Variants in CASR observed in about 807,000 individuals in gnomAD.
CASR encodes calcium sensing receptor, also known as extracellular calcium-sensing receptor.
CASR carries 23 observed loss-of-function variants against 69.1 expected under a neutral mutation model. The observed-to-expected ratio is 0.33, with a 90% CI of 0.24 to 0.47. CASR has a LOEUF of 0.47. Ranked by LOEUF, CASR falls within the 20% of genes least tolerant of loss-of-function variation. The probability of loss-of-function intolerance (pLI) is 1.00; values close to 1 mark genes in which losing one functional copy is unlikely to be tolerated. For missense variants in CASR, 924 were observed against 1,356.1 expected (o/e 0.68, Z 5.00); for synonymous variants, 541 against 544.7 (o/e 0.99, Z 0.10).
chr3:122,190,456 C>G (rs1172710036), intron 1 of CASR, among the ~76,000 whole-genome samples: 2 of 152,182 alleles, frequency 1.3e-5, no homozygotes, highest in Non-Finnish European at 2.9e-5. Context: ...GAGCTTGTAT[C>G]TCAGTTTGAC....
chr3:122,272,698 G>A (rs1007669915), intron 4 of CASR, among the ~76,000 whole-genome samples: 3 of 152,206 alleles, frequency 2.0e-5, no homozygotes, highest in Non-Finnish European at 4.4e-5. Context: ...ATGAGGATGG[G>A]ATGACCATAT....
At chr3:122,254,621 C>A (rs1187949051) in intron 2 of CASR, among the ~76,000 whole-genome samples, 3 of 151,976 alleles carry the variant, frequency 2.0e-5, no homozygotes, top group African/African-American at 7.3e-5. Context: ...ACCTGGTGGT[C>A]ATTTGGTGAC....
chr3:122,219,482 G>C (rs2074150099), intron 1 of CASR, among the ~76,000 whole-genome samples: 1 of 152,214 alleles, frequency 6.6e-6, no homozygotes, highest in African/African-American at 2.4e-5. Context: ...CACCAGAGTA[G>C]CTGGGATCAG....
intron 1 of CASR, among the ~76,000 whole-genome samples, chr3:122,237,309 C>T (rs1340781218): frequency 6.6e-6 from 1 of 152,058 alleles, no homozygotes; most frequent in Admixed American, 6.6e-5. Flanking sequence ...GGAGTTTCAT[C>T]ATGTTGGCCA....
At chr3:122,210,440 G>A (rs12489943) in intron 1 of CASR, among the ~76,000 whole-genome samples, 110,177 of 151,890 alleles carry the variant, frequency 0.73, 40,184 homozygotes, top group Admixed American at 0.82. Flanking sequence ...TCTATACACC[G>A]GCAATATACA....
rs1173539400 is a variant in CASR at position 122,288,846 on chromosome 3, GA to G, written c.*3659del. ...ATGGGAAACTGCTTACATTTCTTTT[GA>G]AAATTAAAATGAATTATAAAGTTAA... On this transcript the variant is annotated 3_prime_UTR_variant, in exon 7 of 7. Coordinates refer to ENST00000639785, the MANE Select transcript of CASR (RefSeq NM_000388.4). 3 of 151,992 alleles carry G rather than the reference GA, an allele frequency of 2.0e-5. No individual in the cohort carries two copies. The highest frequency in any genetic ancestry group is 4.4e-5 in the Non-Finnish European group (3 of 67,986). 9.4% of individuals were successfully genotyped at this position (151,992 alleles called of 1,614,324 possible). A position where few individuals can be genotyped will look rare whatever the true frequency, so the allele number is the denominator to read the frequency against.
chr3:122,237,579 TTATAG>T (rs2074340383), intron 1 of CASR, among the ~76,000 whole-genome samples: 1 of 152,244 alleles, frequency 6.6e-6, no homozygotes, highest in African/African-American at 2.4e-5. Context: ...AAATCATGGA[TTATAG>T]TAAAGTACAA....
intron 4 of CASR, among the ~76,000 whole-genome samples, chr3:122,270,083 C>G (rs1367521800): frequency 6.6e-6 from 1 of 152,102 alleles, no homozygotes; most frequent in Non-Finnish European, 1.5e-5. Flanking sequence ...CTCAAGTGAT[C>G]CACCCACCTC....
chr3:122,250,127 C>A (rs1242787936), intron 1 of CASR, among the ~76,000 whole-genome samples: 1 of 151,988 alleles, frequency 6.6e-6, no homozygotes, highest in Non-Finnish European at 1.5e-5. Context: ...TGGACGAAGG[C>A]ACTGGCCACA....
At chr3:122,263,624 A>C (rs1159086750) in intron 4 of CASR, among the ~76,000 whole-genome samples, 1 of 152,212 alleles carries the variant, frequency 6.6e-6, no homozygotes, top group African/African-American at 2.4e-5. Context: ...CACTGTAGAG[A>C]TTCTCATGAA....
chr3:122,266,981 G>T (rs2074702122), intron 4 of CASR, among the ~76,000 whole-genome samples: 1 of 152,204 alleles, frequency 6.6e-6, no homozygotes, highest in Admixed American at 6.5e-5. Flanking sequence ...TCCAGCCTGG[G>T]CAACAGAGCG....
chr3:122,247,047 T>C (rs561559762), intron 1 of CASR: 8 of 152,278 alleles, frequency 5.3e-5, no homozygotes, highest in Middle Eastern at 3.4e-3. Context: ...GGGGCAGACA[T>C]ATCTCCCCAT....
At chr3:122,205,455 A>G (rs573600394) in intron 1 of CASR, among the ~76,000 whole-genome samples, 30 of 152,092 alleles carry the variant, frequency 2.0e-4, no homozygotes, top group Admixed American at 1.9e-3. Flanking sequence ...TTTTTATGCC[A>G]TTATGCTGAT....
At chr3:122,225,597 A>T (rs2074215211) in intron 1 of CASR, among the ~76,000 whole-genome samples, 1 of 152,174 alleles carries the variant, frequency 6.6e-6, no homozygotes, top group South Asian at 2.1e-4. Context: ...GTTTGCAGAG[A>T]AAAGGGAACA....
At chr3:122,280,550 A>G (rs968151220) in intron 5 of CASR, among the ~76,000 whole-genome samples, 1 of 152,152 alleles carries the variant, frequency 6.6e-6, no homozygotes, top group African/African-American at 2.4e-5. Context: ...CCTTGTCACC[A>G]TAGTTGAAGA....
intron 1 of CASR, among the ~76,000 whole-genome samples, chr3:122,231,347 ATCAAT>A (rs1281249249): frequency 2.0e-5 from 3 of 152,174 alleles, no homozygotes; most frequent in African/African-American, 4.8e-5. Flanking sequence ...CATCATGCTG[ATCAAT>A]TCAATTAGTA....
chr3:122,250,831 A>C (rs1166856577), intron 1 of CASR, among the ~76,000 whole-genome samples: 1 of 152,212 alleles, frequency 6.6e-6, no homozygotes, highest in African/African-American at 2.4e-5. Context: ...TTAGAGAAAA[A>C]GTTACTTTTT....
At chr3:122,251,473 C>T (rs2074482639) in intron 1 of CASR, among the ~76,000 whole-genome samples, 1 of 152,220 alleles carries the variant, frequency 6.6e-6, no homozygotes, top group Non-Finnish European at 1.5e-5. Context: ...AAGCCGTGTG[C>T]TCCCCAGAAG....
intron 1 of CASR, among the ~76,000 whole-genome samples, chr3:122,250,299 G>A (rs1343063758): frequency 3.3e-5 from 5 of 152,126 alleles, no homozygotes; most frequent in African/African-American, 9.7e-5. Flanking sequence ...TGAAGAATAT[G>A]TTAGACTGAG....
Sources: allele counts gnomAD v4.1 joint callset (sites outside exome capture counted in the v4.1 genomes callset), GRCh38; gene constraint gnomAD v4.1.1; transcripts MANE v1.5; gene names NCBI Gene and HGNC (gene_info 2026-07-23, HGNC 2026-07-21).